ASB13: variants seen among roughly 807,000 people sequenced by gnomAD.
ASB13 encodes the protein ankyrin repeat and SOCS box protein 13.
In ASB13, 33 loss-of-function variants were observed where a neutral mutation model predicts 28.8. That is an observed-to-expected ratio of 1.15 (90% confidence interval 0.87 to 1.53). The LOEUF (loss-of-function observed/expected upper bound fraction) is 1.53, where lower values mean the gene tolerates loss of function less well. Among genes scored for constraint, ASB13 ranks in the 40% most tolerant of loss-of-function variants. The probability of loss-of-function intolerance (pLI) is 0.00; values close to 1 mark genes in which losing one functional copy is unlikely to be tolerated. For missense variants in ASB13, 414 were observed against 390.1 expected (o/e 1.06, Z -0.52); for synonymous variants, 182 against 172.9 (o/e 1.05, Z -0.41).
intron 4 of ASB13, among the ~76,000 whole-genome samples, chr10:5,646,709 CT>C (rs1235539964): frequency 1.3e-5 from 2 of 152,204 alleles, no homozygotes; most frequent in African/African-American, 4.8e-5. Flanking sequence ...AGGTGTCCAA[CT>C]GACATGAAGT....
At position 5,656,911 on chromosome 10, in the gene ASB13, G is replaced by A. The variant is rs1430916933; in HGVS notation, c.44-3861C>T. On this transcript the variant is annotated intron_variant, in intron 1 of 5. Coordinates refer to ENST00000357700, the MANE Select transcript of ASB13 (RefSeq NM_024701.4). The surrounding 1 kb of genome is among the most constrained non-coding windows in gnomAD (Gnocchi z 4.3). ...ACCCGAAACCTGTACTGACTTAGAC[G>A]GCACTTTAGACACTTATCTACCATC... Among the ~76,000 whole-genome samples the A allele has an allele frequency of 2.0e-5, 3 of 152,104 alleles. No individual in the cohort carries two copies. The highest frequency in any genetic ancestry group is 7.2e-5 in the African/African-American group (3 of 41,406).
chr10:5,642,588 T>TG lies in ASB13; in HGVS notation c.518-628_518-627insC. The TG allele has an allele frequency of 8.6e-7, 1 of 1,166,928 alleles. No homozygotes were observed. Among genetic ancestry groups the TG allele is most frequent in the Non-Finnish European group, 1.1e-6 (1 of 904,844 alleles). 72.3% of individuals were successfully genotyped at this position (1,166,928 alleles called of 1,614,324 possible). On this transcript the variant is annotated intron_variant, in intron 4 of 5. Coordinates refer to ENST00000357700, the MANE Select transcript of ASB13 (RefSeq NM_024701.4). This position sits in a 1 kb window ranked among gnomAD's most constrained non-coding sequence, Gnocchi z 4.1. ...AGTAAAGGTAAAAAAAAATTTTTTTTTAAAAAAAAGAGCAGACATTCAGAA... is the reference window on the plus strand; with the variant it reads ...AGTAAAGGTAAAAAAAAATTTTTTTTGTAAAAAAAAGAGCAGACATTCAGAA...
Position 5,652,756 on chromosome 10 carries a change from C to T in ASB13, c.231+107G>A. 1 of 1,194,682 alleles carries T rather than the reference C, an allele frequency of 8.4e-7. No homozygotes were observed. Among genetic ancestry groups the T allele is most frequent in the South Asian group, 1.8e-5 (1 of 56,422 alleles). The allele number at this position is 1,194,682 out of a possible 1,614,324, so 74.0% of individuals were successfully genotyped here. On this transcript the variant is annotated intron_variant, in intron 2 of 5. Coordinates refer to ENST00000357700, the MANE Select transcript of ASB13 (RefSeq NM_024701.4). The surrounding 1 kb of genome is among the most constrained non-coding windows in gnomAD (Gnocchi z 5.0). The stretch of plus-strand genomic sequence containing the variant: ...CTTCCTGGTACCTGTGTGCAGTGGA[C>T]ACAGTGCAGCCCCCATCCTCCCCTC...
chr10:5,657,841 T>G (rs1205368533), intron 1 of ASB13, among the ~76,000 whole-genome samples: 2 of 152,216 alleles, frequency 1.3e-5, no homozygotes, highest in Non-Finnish European at 2.9e-5. Context: ...GAGGACATTA[T>G]GCTGAGTCAA....
rs1835216136 is a variant in ASB13 at position 5,664,060 on chromosome 10, G to T, written c.43+2449C>A. On this transcript the variant is annotated intron_variant, in intron 1 of 5. Transcript: ENST00000357700. The surrounding 1 kb of genome is among the most constrained non-coding windows in gnomAD (Gnocchi z 4.2). Reference sequence around the variant, plus strand: ...TGGGGAGTGATTTCCAGACCATCGGGGGAGCTGGAGAGCAGGCTGGTGCAG... The same window carrying T: ...TGGGGAGTGATTTCCAGACCATCGGTGGAGCTGGAGAGCAGGCTGGTGCAG... Among the ~76,000 whole-genome samples, 1 of 152,134 alleles carries T rather than the reference G, an allele frequency of 6.6e-6. No individual in the cohort carries two copies. Among genetic ancestry groups the T allele is most frequent in the Non-Finnish European group, 1.5e-5 (1 of 68,028 alleles).
chr10:5,643,244 C>T (rs1588507060), intron 4 of ASB13, among the ~76,000 whole-genome samples: 1 of 152,302 alleles, frequency 6.6e-6, no homozygotes, highest in East Asian at 1.9e-4. Flanking sequence ...CCATCACTTC[C>T]CGACAGTCTC....
rs1834962845 is a variant in ASB13, at chr10:5,650,204, G to A, written c.382+1009C>T. Among the ~76,000 whole-genome samples, 1 of 152,108 alleles carries A rather than the reference G, an allele frequency of 6.6e-6. No homozygotes were observed. Among genetic ancestry groups the A allele is most frequent in the Admixed American group, 6.5e-5 (1 of 15,286 alleles). On this transcript the variant is annotated intron_variant, in intron 3 of 5. Coordinates refer to ENST00000357700, the MANE Select transcript of ASB13 (RefSeq NM_024701.4). The surrounding 1 kb of genome is among the most constrained non-coding windows in gnomAD (Gnocchi z 6.0). ...ATCCCACTCCACCAGCCTACTCTGA[G>A]CACTGGGCACCTTGATCTCAGCGAT...
At position 5,649,540 on chromosome 10, in the gene ASB13, T is replaced by G. The variant is rs1389785268; in HGVS notation, c.383-436A>C. On this transcript the variant is annotated intron_variant, in intron 3 of 5. Transcript: ENST00000357700. The surrounding 1 kb of genome is among the most constrained non-coding windows in gnomAD (Gnocchi z 6.4). ...AGCCGCCTCTCCTGCCTCTTTTTTT[T>G]TTTTAGACAAAGTCTCATTCTGTTG... 4.1e-5 allele frequency among the ~76,000 whole-genome samples: 6 copies of G among 146,152 alleles called. No individual in the cohort carries two copies. The highest frequency in any genetic ancestry group is 4.1e-4 in the Admixed American group (6 of 14,734).
rs116006904 is a variant in ASB13 at position 5,647,799 on chromosome 10, C to A, written c.517+1171G>T. 5.6e-4 allele frequency among the ~76,000 whole-genome samples: 86 copies of A among 152,334 alleles called. 1 individual carries two copies. Among genetic ancestry groups the A allele is most frequent in the African/African-American group, 2.0e-3 (84 of 41,572 alleles). The stretch of plus-strand genomic sequence containing the variant: ...GGCAAGTAAGAGAGCCAGCCTCCAA[C>A]CCTGGTCCCTCTGACTCCTCTACCC... On this transcript the variant is annotated intron_variant, in intron 4 of 5. Transcript: ENST00000357700.
At chr10:5,666,152 G>A (rs905819284) in intron 1 of ASB13, among the ~76,000 whole-genome samples, 1 of 152,272 alleles carries the variant, frequency 6.6e-6, no homozygotes, top group Middle Eastern at 3.4e-3. Flanking sequence ...CACCGTGGGC[G>A]TTTCCCAGGC....
At position 5,664,393 on chromosome 10, in the gene ASB13, G is replaced by C. The variant is rs183875572; in HGVS notation, c.43+2116C>G. 2.5e-4 allele frequency among the ~76,000 whole-genome samples: 38 copies of C among 152,266 alleles called. No individual in the cohort carries two copies. The highest frequency in any genetic ancestry group is 8.9e-4 in the African/African-American group (37 of 41,526). ...TGGGGATAAATTAGGGATTAGGCAT[G>C]GAGAACACCGAACCCACAGGTAAAC... On this transcript the variant is annotated intron_variant, in intron 1 of 5. Transcript: ENST00000357700. This position sits in a 1 kb window ranked among gnomAD's most constrained non-coding sequence, Gnocchi z 4.2.
chr10:5,651,569 A>C lies in ASB13; in HGVS notation c.232-206T>G, dbSNP rs1455949842. ...CCTGAGTAGAGAAGTCATCTCGTTC[A>C]GGATTCTTTTCTCTCAGGGCAGGAT... is the stretch of plus-strand genomic sequence containing the variant. On this transcript the variant is annotated intron_variant, in intron 2 of 5. Transcript: ENST00000357700. The surrounding 1 kb of genome is among the most constrained non-coding windows in gnomAD (Gnocchi z 5.1). The C allele has an allele frequency of 3.6e-6, 2 of 560,512 alleles. No individual in the cohort carries two copies. Among genetic ancestry groups the C allele is most frequent in the African/African-American group, 3.8e-5 (2 of 52,060 alleles). 34.7% of individuals were successfully genotyped at this position (560,512 alleles called of 1,614,324 possible).
intron 4 of ASB13, among the ~76,000 whole-genome samples, chr10:5,647,177 TG>T (rs1834898692): frequency 6.6e-6 from 1 of 152,174 alleles, no homozygotes; most frequent in Non-Finnish European, 1.5e-5. Flanking sequence ...CCAGGCTGGC[TG>T]AAACTCCCGG....
At chr10:5,665,148 C>T (rs1292378270) in intron 1 of ASB13, among the ~76,000 whole-genome samples, 1 of 152,202 alleles carries the variant, frequency 6.6e-6, no homozygotes, top group African/African-American at 2.4e-5. Context: ...TGAGAGACTG[C>T]GCAACAGCCC....
At chr10:5,646,707 A>G (rs1309511592) in intron 4 of ASB13, among the ~76,000 whole-genome samples, 1 of 152,210 alleles carries the variant, frequency 6.6e-6, no homozygotes, top group African/African-American at 2.4e-5. Flanking sequence ...AAAGGTGTCC[A>G]ACTGACATGA....
rs985550159 is a variant in ASB13, at chr10:5,650,315, A to G, written c.382+898T>C. Among the ~76,000 whole-genome samples the G allele has an allele frequency of 6.6e-6, 1 of 152,144 alleles. No homozygotes were observed. The highest frequency in any genetic ancestry group is 2.4e-5 in the African/African-American group (1 of 41,414). On this transcript the variant is annotated intron_variant, in intron 3 of 5. Transcript: ENST00000357700. This position sits in a 1 kb window ranked among gnomAD's most constrained non-coding sequence, Gnocchi z 6.0. ...CTGCACATGGAGGACCACTAAATGAACCTTCCCCAAATTCTGTTTTCCTGA... is the reference window on the plus strand; with the variant it reads ...CTGCACATGGAGGACCACTAAATGAGCCTTCCCCAAATTCTGTTTTCCTGA...
In ASB13 at chr10:5,664,321, G is replaced by C. The variant is rs1025675578; in HGVS notation, c.43+2188C>G. Among the ~76,000 whole-genome samples, 1 of 151,468 alleles carries C rather than the reference G, an allele frequency of 6.6e-6. No homozygotes were observed. Among genetic ancestry groups the C allele is most frequent in the Non-Finnish European group, 1.5e-5 (1 of 67,932 alleles). On this transcript the variant is annotated intron_variant, in intron 1 of 5. Transcript: ENST00000357700. This position sits in a 1 kb window ranked among gnomAD's most constrained non-coding sequence, Gnocchi z 4.2. ...TCTCCAAACACTGAACCAGGAGAGA[G>C]AGAACACAGGACTCATTGCTTACCT...
In ASB13 at chr10:5,666,493, C is replaced by A; in HGVS notation, c.43+16G>T. 7.7e-7 allele frequency: 1 copy of A among 1,295,266 alleles called. No individual in the cohort carries two copies. Among genetic ancestry groups the A allele is most frequent in the South Asian group, 2.1e-5 (1 of 46,806 alleles). 80.2% of individuals were successfully genotyped at this position (1,295,266 alleles called of 1,614,324 possible). ...CGCCGCTGCCTCGCTCTGACCTCCG[C>A]GGCGCCCGCACGTACCCACGTCGCC... On this transcript the variant is annotated intron_variant, in intron 1 of 5. Coordinates refer to ENST00000357700, the MANE Select transcript of ASB13 (RefSeq NM_024701.4).
rs1047210212 is a variant in ASB13 at position 5,659,115 on chromosome 10, G to A, written c.44-6065C>T. ...ATGCTGTCTGTTAGTGAATGGACTGGCCAGGATGGATTGCAGGCTGCTTCC... is the reference window on the plus strand; with the variant it reads ...ATGCTGTCTGTTAGTGAATGGACTGACCAGGATGGATTGCAGGCTGCTTCC... On this transcript the variant is annotated intron_variant, in intron 1 of 5. Transcript: ENST00000357700. This position sits in a 1 kb window ranked among gnomAD's most constrained non-coding sequence, Gnocchi z 5.8. Among the ~76,000 whole-genome samples, 2 of 152,178 alleles carry A rather than the reference G, an allele frequency of 1.3e-5. No individual in the cohort carries two copies. The highest frequency in any genetic ancestry group is 1.3e-4 in the Admixed American group (2 of 15,278).
Sources: gnomAD v4.1 joint callset for allele counts (sites outside exome capture counted in the v4.1 genomes callset) on GRCh38, gnomAD v4.1.1 for gene constraint, Gnocchi (gnomAD v3.1) non-coding constraint, MANE v1.5 for transcripts, NCBI Gene and HGNC (gene_info 2026-07-23, HGNC 2026-07-21) for gene names.